The following CCDC158 variants were observed in gnomAD, a reference collection of about 807,000 sequenced individuals.
The protein encoded by CCDC158 is coiled-coil domain containing 158.
CCDC158 carries 116 observed loss-of-function variants against 138.6 expected under a neutral mutation model. The observed-to-expected ratio is 0.84, with a 90% CI of 0.72 to 0.98. The LOEUF (loss-of-function observed/expected upper bound fraction) is 0.98, where lower values mean the gene tolerates loss of function less well. Among genes scored for constraint, CCDC158 ranks in the 50% least tolerant of loss-of-function variants. The pLI is 0.00. For missense variants in CCDC158, 1,265 were observed against 1,306.1 expected (o/e 0.97, Z 0.48); for synonymous variants, 436 against 442.4 (o/e 0.99, Z 0.18).
intron 24 of CCDC158, among the ~76,000 whole-genome samples, chr4:76,314,606 T>C (rs1300820235): frequency 6.6e-6 from 1 of 152,198 alleles, no homozygotes; most frequent in East Asian, 1.9e-4. Flanking sequence ...AATACCCCCA[T>C]TGGGGAACCT....
At chr4:76,408,833 T>G (rs1220386593) in intron 2 of CCDC158, among the ~76,000 whole-genome samples, 1 of 152,210 alleles carries the variant, frequency 6.6e-6, no homozygotes, top group Non-Finnish European at 1.5e-5. Context: ...TTTCTCCACA[T>G]CCTCTCCAGC....
intron 12 of CCDC158, among the ~76,000 whole-genome samples, chr4:76,362,817 T>C (rs768875391): frequency 6.6e-6 from 1 of 152,204 alleles, no homozygotes; most frequent in Non-Finnish European, 1.5e-5. Flanking sequence ...TGTCTTCATG[T>C]CCTCCTCTAG....
intron 6 of CCDC158, 56 bp from the exon 7 acceptor site, chr4:76,383,794 A>C (rs1726509501): frequency 7.9e-7 from 1 of 1,261,210 alleles, no homozygotes. Context: ...GGCTTGGAAA[A>C]TCTGGAGATT....
chr4:76,323,290 C>T lies in CCDC158; in HGVS notation c.3277+12G>A, dbSNP rs1206310885. The T allele has an allele frequency of 8.8e-6, 14 of 1,585,532 alleles. No individual in the cohort carries two copies. Among genetic ancestry groups the T allele is most frequent in the African/African-American group, 2.7e-5 (2 of 74,154 alleles). On this transcript the variant is annotated intron_variant, in intron 24 of 24. Transcript: ENST00000682701. ...TGAGCGAGGAAGATCTCTCCAAAAA[C>T]GTACACTGTACCTTGGTTCTTCAGC...
intron 15 of CCDC158, among the ~76,000 whole-genome samples, chr4:76,354,362 T>C (rs986529652): frequency 2.6e-4 from 39 of 152,054 alleles, no homozygotes; most frequent in African/African-American, 9.2e-4. Flanking sequence ...TGTAGGTTTA[T>C]ATTTGCTAAT....
rs991897820 is a variant in CCDC158, at chr4:76,331,081, A to G, written c.2942+263T>C. ...GTAGAATTCACATTCATAATTGTTA[A>G]TATATATAGAGGGCTCGGATATCTC... On this transcript the variant is annotated intron_variant, in intron 21 of 24. Transcript: ENST00000682701. 3.3e-5 allele frequency among the ~76,000 whole-genome samples: 5 copies of G among 152,178 alleles called. No individual in the cohort carries two copies. The South Asian group carries it at 8.3e-4, about 25-fold the overall frequency.
chr4:76,327,553 A>G (rs1256805560), intron 22 of CCDC158, among the ~76,000 whole-genome samples: 1 of 152,184 alleles, frequency 6.6e-6, no homozygotes, highest in African/African-American at 2.4e-5. Context: ...GTATTTATTT[A>G]TCTAAATATG....
At chr4:76,386,220 C>T (rs1370086722) in intron 4 of CCDC158, among the ~76,000 whole-genome samples, 2 of 151,448 alleles carry the variant, frequency 1.3e-5, no homozygotes, top group South Asian at 2.1e-4. Context: ...GATGGGAACA[C>T]CAAATTTTAA....
chr4:76,399,219 T>TGTTCAC (rs1728110156), intron 3 of CCDC158, among the ~76,000 whole-genome samples: 2 of 152,144 alleles, frequency 1.3e-5, no homozygotes, highest in African/African-American at 4.8e-5. Context: ...GTATATAAGA[T>TGTTCAC]GTTCACTGTA....
rs1374476239 is a variant in CCDC158, at chr4:76,323,426, T to C, written c.3170-17A>G. 2 of 1,557,476 alleles carry C rather than the reference T, an allele frequency of 1.3e-6. No homozygotes were observed. The highest frequency in any genetic ancestry group is 1.8e-5 in the Admixed American group (1 of 56,670). ...ACTGTGAATCTATTAGAAAATTGCTTAGATGTGATATTAAAAGTCTACTCA... is the reference window on the plus strand; with the variant it reads ...ACTGTGAATCTATTAGAAAATTGCTCAGATGTGATATTAAAAGTCTACTCA... On this transcript the variant is annotated splice_polypyrimidine_tract_variant and intron_variant, in intron 23 of 24. Transcript: ENST00000682701.
chr4:76,321,800 T>C (rs959788416), intron 24 of CCDC158, among the ~76,000 whole-genome samples: 18 of 147,484 alleles, frequency 1.2e-4, no homozygotes, highest in Admixed American at 7.5e-4. Context: ...TGTATATATA[T>C]ACACACCATG....
chr4:76,346,381 C>T (rs1340151710), intron 18 of CCDC158, among the ~76,000 whole-genome samples: 1 of 152,136 alleles, frequency 6.6e-6, no homozygotes, highest in African/African-American at 2.4e-5. Context: ...CCAAAATTGA[C>T]AAATGGGATC....
At chr4:76,406,717 T>C (rs569920868) in intron 2 of CCDC158, among the ~76,000 whole-genome samples, 1 of 152,252 alleles carries the variant, frequency 6.6e-6, no homozygotes, top group African/African-American at 2.4e-5. Flanking sequence ...TTAAAAGGCC[T>C]TCTATTAAAC....
At chr4:76,413,626 C>T (rs929312491) in intron 1 of CCDC158, among the ~76,000 whole-genome samples, 7 of 152,136 alleles carry the variant, frequency 4.6e-5, no homozygotes, top group African/African-American at 1.7e-4. Context: ...ATGTGGAGGG[C>T]TTCCTTGAGA....
intron 22 of CCDC158, 83 bp downstream of exon 22, chr4:76,328,817 T>C: frequency 1.9e-6 from 2 of 1,031,502 alleles, no homozygotes; most frequent in Non-Finnish European, 1.5e-6. Context: ...ACTTGGAAGA[T>C]ACTGCAATGA....
At position 76,396,254 on chromosome 4, in the gene CCDC158, G is replaced by A. The variant is rs1727767571; in HGVS notation, c.288+15C>T. ...CCCCAAATAGCATCAGGTGCTAGAAGAGAAGGCAACTCACTTCATTTAGTC... is the reference window on the plus strand; with the variant it reads ...CCCCAAATAGCATCAGGTGCTAGAAAAGAAGGCAACTCACTTCATTTAGTC... On this transcript the variant is annotated intron_variant, in intron 4 of 24. Transcript: ENST00000682701. The A allele has an allele frequency of 6.3e-7, 1 of 1,583,424 alleles. No homozygotes were observed. Among genetic ancestry groups the A allele is most frequent in the Non-Finnish European group, 8.7e-7 (1 of 1,154,922 alleles).
intron 1 of CCDC158, among the ~76,000 whole-genome samples, chr4:76,413,198 A>T (rs1189843316): frequency 1.3e-5 from 2 of 152,054 alleles, no homozygotes; most frequent in African/African-American, 4.8e-5. Flanking sequence ...TTCCACATTT[A>T]AAAAAATGAA....
intron 1 of CCDC158, among the ~76,000 whole-genome samples, chr4:76,415,488 A>C (rs1729618794): frequency 6.6e-6 from 1 of 152,176 alleles, no homozygotes; most frequent in African/African-American, 2.4e-5. Context: ...TGCCGAGGCA[A>C]GAGACCGAGG....
intron 1 of CCDC158, among the ~76,000 whole-genome samples, chr4:76,416,720 T>G (rs973285521): frequency 3.9e-5 from 6 of 152,220 alleles, no homozygotes; most frequent in African/African-American, 1.4e-4. Flanking sequence ...CCATGTGGTG[T>G]TAAGCCTGAA....
Sources: gnomAD v4.1 joint callset for allele counts (sites outside exome capture counted in the v4.1 genomes callset) on GRCh38, gnomAD v4.1.1 for gene constraint, MANE v1.5 for transcripts, NCBI Gene and HGNC (gene_info 2026-07-23, HGNC 2026-07-21) for gene names.